STKLD1: variants seen among roughly 807,000 people sequenced by gnomAD.
STKLD1 encodes the protein serine/threonine kinase like domain containing 1.
A neutral mutation model predicts 80.4 loss-of-function variants in STKLD1; 79 were observed. That is an observed-to-expected ratio of 0.98 (90% CI 0.82 to 1.19). The LOEUF is 1.19. Among genes scored for constraint, STKLD1 ranks in the 50% most tolerant of loss-of-function variants. The pLI, the probability that STKLD1 is intolerant of heterozygous loss-of-function variation, is 0.00. For missense variants in STKLD1, 841 were observed against 856.0 expected (o/e 0.98, Z 0.22); for synonymous variants, 393 against 357.6 (o/e 1.10, Z -1.12).
chr9:133,404,679 T>C (rs1257151727), intron 16 of STKLD1, 110 bp from the exon 17 acceptor site: 1 of 1,466,134 alleles, frequency 6.8e-7, no homozygotes, highest in Non-Finnish European at 9.1e-7. Flanking sequence ...CCGTCTCTTG[T>C]CCTGTCCCAG....
chr9:133,382,890 G>C (rs1469484023), intron 2 of STKLD1, among the ~76,000 whole-genome samples: 1 of 148,630 alleles, frequency 6.7e-6, no homozygotes, highest in South Asian at 2.2e-4. Flanking sequence ...GGTAATGATG[G>C]TGATGATGTT....
Position 133,404,771 on chromosome 9 carries a change from C to T in STKLD1, c.1733-18C>T. 1 of 1,610,992 alleles carries T rather than the reference C, an allele frequency of 6.2e-7. No individual in the cohort carries two copies. The highest frequency in any genetic ancestry group is 8.5e-7 in the Non-Finnish European group (1 of 1,179,298). Reference sequence around the variant, plus strand: ...CAGGGGAAAGCAGGGAATGAACCCACTCCCACCCATCCCCCAGAGCTGGCG... The same window carrying T: ...CAGGGGAAAGCAGGGAATGAACCCATTCCCACCCATCCCCCAGAGCTGGCG... On this transcript the variant is annotated intron_variant, in intron 16 of 17. Coordinates refer to ENST00000371957, the MANE Select transcript of STKLD1 (RefSeq NM_153710.5).
chr9:133,392,603 G>GAGTGGA (rs1838428026), intron 7 of STKLD1, among the ~76,000 whole-genome samples: 6 of 36,536 alleles, frequency 1.6e-4, no homozygotes, highest in African/African-American at 7.1e-4. Flanking sequence ...GGATGGATGG[G>GAGTGGA]TGGATGGATG....
In STKLD1 at chr9:133,401,589, T is replaced by C. The variant is rs1838708059; in HGVS notation, c.1199-149T>C. ...CACTCCATTAGGCCACAGGGATTCA[T>C]GGAGGCCTGCTCTGGGTCAGAACAA... is the stretch of plus-strand genomic sequence containing the variant. On this transcript the variant is annotated intron_variant, in intron 12 of 17. Coordinates refer to ENST00000371957, the MANE Select transcript of STKLD1 (RefSeq NM_153710.5). 9 of 1,003,866 alleles carry C rather than the reference T, an allele frequency of 9.0e-6. No homozygotes were observed. The East Asian group carries it at 1.3e-4, about 15-fold the overall frequency. The allele number at this position is 1,003,866 out of a possible 1,614,324, so 62.2% of individuals were successfully genotyped here.
chr9:133,379,224 G>C, intron 2 of STKLD1, 102 bp downstream of exon 2: 1 of 998,490 alleles, frequency 1.0e-6, no homozygotes, highest in Non-Finnish European at 1.5e-6. Context: ...TGATGCGGCA[G>C]CTGGATTCCT....
Position 133,403,011 on chromosome 9 carries a change from C to G in STKLD1, c.1473C>G (p.Asp491Glu). 1 of 1,563,790 alleles carries G rather than the reference C, an allele frequency of 6.4e-7. No individual in the cohort carries two copies. The highest frequency in any genetic ancestry group is 1.4e-5 in the African/African-American group (1 of 73,884). Residue 491 changes from aspartate (D) to glutamate (E), a missense_variant and splice_region_variant, in exon 14 of 18, where the codon GAC (aspartate) becomes GAG (glutamate). Coordinates refer to ENST00000371957, the MANE Select transcript of STKLD1 (RefSeq NM_153710.5). ...GLGLLWALLL[D>E]GIIVNKAPLE... The stretch of plus-strand genomic sequence containing the variant: ...GCCTGCTCTGGGCCCTCCTGCTGGA[C>G]GGTGAGGGGCCCTCCTCCTGCTGTC...
chr9:133,388,937 C>CCTA, intron 5 of STKLD1: 1 of 985,380 alleles, frequency 1.0e-6, no homozygotes, highest in South Asian at 4.7e-5. Flanking sequence ...GTGCAGCAGA[C>CCTA]CTACTCTAAC....
intron 12 of STKLD1, among the ~76,000 whole-genome samples, chr9:133,401,432 G>A (rs911993799): frequency 6.6e-6 from 1 of 152,100 alleles, no homozygotes; most frequent in Non-Finnish European, 1.5e-5. Flanking sequence ...CACCGCGCGC[G>A]GCCACCTTTC....
Position 133,403,958 on chromosome 9 carries a change from C to A in STKLD1, c.1642C>A (p.Leu548Met). ...KEQQFEQVVA[L>M]LLQSIRLCQD... The stretch of plus-strand genomic sequence containing the variant: ...GCAGCAGTTTGAACAAGTGGTGGCG[C>A]TGCTCCTGCAAAGCATCCGGCTGTG... The change falls in exon 16 of 18, where the codon CTG (leucine) becomes ATG (methionine). Residue 548 changes from leucine (L) to methionine (M), a missense_variant. Leu to Met is a conservative substitution (Grantham distance 15). Transcript: ENST00000371957. 1 of 1,610,630 alleles carries A rather than the reference C, an allele frequency of 6.2e-7. No homozygotes were observed. The highest frequency in any genetic ancestry group is 8.5e-7 in the Non-Finnish European group (1 of 1,178,370).
chr9:133,397,894 C>T, intron 10 of STKLD1, 78 bp from the exon 11 acceptor site: 3 of 1,185,024 alleles, frequency 2.5e-6, no homozygotes, highest in Non-Finnish European at 3.7e-6. Context: ...AGCAGCCAGC[C>T]CAGTGTGGTG....
Position 133,395,777 on chromosome 9 carries a change from C to A in STKLD1, c.866+14C>A. 6.2e-7 allele frequency: 1 copy of A among 1,611,954 alleles called. No individual in the cohort carries two copies. The highest frequency in any genetic ancestry group is 1.1e-5 in the South Asian group (1 of 91,002). Reference sequence around the variant, plus strand: ...AATAACGATAAAGTGAGCTCAGGGTCGGGGTTTATTTTAACCTGTGGATTT... The same window carrying A: ...AATAACGATAAAGTGAGCTCAGGGTAGGGGTTTATTTTAACCTGTGGATTT... On this transcript the variant is annotated intron_variant, in intron 9 of 17. Coordinates refer to ENST00000371957, the MANE Select transcript of STKLD1 (RefSeq NM_153710.5).
intron 1 of STKLD1, among the ~76,000 whole-genome samples, chr9:133,377,465 A>C (rs1838010427): frequency 1.3e-5 from 2 of 152,226 alleles, no homozygotes. Context: ...CGGGAGTTCA[A>C]GACCAGCCTG....
chr9:133,392,620 T>TGGATGGATGGAC (rs2119224898), intron 7 of STKLD1, among the ~76,000 whole-genome samples: 1 of 97,332 alleles, frequency 1.0e-5, no homozygotes, highest in African/African-American at 4.0e-5. Context: ...GATGGATGGA[T>TGGATGGATGGAC]GGATGGATGG....
rs1196194705 is a variant in STKLD1, at chr9:133,384,913, T to C, written c.220-704T>C. 1.3e-5 allele frequency among the ~76,000 whole-genome samples: 2 copies of C among 152,206 alleles called. No homozygotes were observed. The highest frequency in any genetic ancestry group is 2.9e-5 in the Non-Finnish European group (2 of 68,038). On this transcript the variant is annotated intron_variant, in intron 3 of 17. Coordinates refer to ENST00000371957, the MANE Select transcript of STKLD1 (RefSeq NM_153710.5). The surrounding 1 kb of genome is among the most constrained non-coding windows in gnomAD (Gnocchi z 4.3). ...TCCCCTCTTATCTCATGGTCACTTG[T>C]TTGTCTTCTGGAATTGCTGGCTCTG...
intron 12 of STKLD1, among the ~76,000 whole-genome samples, chr9:133,401,176 C>T (rs1209226786): frequency 7.0e-6 from 1 of 142,074 alleles, no homozygotes; most frequent in Non-Finnish European, 1.5e-5. Flanking sequence ...GAGTTTTGCT[C>T]GTCACCCAGG....
intron 13 of STKLD1, among the ~76,000 whole-genome samples, chr9:133,402,522 T>C (rs1838733922): frequency 6.6e-6 from 1 of 152,166 alleles, no homozygotes; most frequent in Non-Finnish European, 1.5e-5. Flanking sequence ...GCAAAATGGA[T>C]GTCAGTTCAT....
intron 4 of STKLD1, among the ~76,000 whole-genome samples, chr9:133,386,107 CG>C (rs1838259567): frequency 6.6e-6 from 1 of 152,064 alleles, no homozygotes. Flanking sequence ...TTAGTAGAGA[CG>C]GGGTTTCACC....
chr9:133,386,023 A>G (rs1838257557), intron 4 of STKLD1, among the ~76,000 whole-genome samples: 3 of 150,582 alleles, frequency 2.0e-5, no homozygotes, highest in Admixed American at 2.0e-4. Context: ...GGTTCAAGAG[A>G]TTTTCTTGCC....
chr9:133,393,020 G>A (rs1167167468), intron 7 of STKLD1, among the ~76,000 whole-genome samples: 3 of 133,758 alleles, frequency 2.2e-5, no homozygotes, highest in Non-Finnish European at 4.7e-5. Flanking sequence ...GCATGGGTGG[G>A]TGTATGGGCA....
Sources: allele counts gnomAD v4.1 joint callset (sites outside exome capture counted in the v4.1 genomes callset), GRCh38; gene constraint gnomAD v4.1.1; non-coding constraint Gnocchi (gnomAD v3.1); transcripts MANE v1.5; gene names NCBI Gene and HGNC (gene_info 2026-07-23, HGNC 2026-07-21).